Variants in HS3ST5 observed in about 807,000 individuals in gnomAD.
HS3ST5 encodes the protein heparan sulfate glucosamine 3-O-sulfotransferase 5.
HS3ST5 carries 10 observed loss-of-function variants against 25.4 expected under a neutral mutation model. That is an observed-to-expected ratio of 0.39 (90% confidence interval 0.24 to 0.67). The LOEUF (loss-of-function observed/expected upper bound fraction) is 0.67. Ranked by LOEUF, HS3ST5 falls within the 30% of genes least tolerant of loss-of-function variation. The pLI is 0.44. For synonymous variants in HS3ST5, 170 were observed against 162.4 expected (o/e 1.05, Z -0.36); for missense variants, 324 against 420.7 (o/e 0.77, Z 2.01).
chr6:114,316,221 T>C (rs1334592464), intron 1 of HS3ST5, among the ~76,000 whole-genome samples: 1 of 152,230 alleles, frequency 6.6e-6, no homozygotes, highest in Admixed American at 6.5e-5. Context: ...GTAGAAATTA[T>C]TTTTTGTATT....
chr6:114,209,576 A>G (rs972199609), intron 2 of HS3ST5, among the ~76,000 whole-genome samples: 1 of 152,200 alleles, frequency 6.6e-6, no homozygotes, highest in Admixed American at 6.5e-5. Flanking sequence ...TTATTTTAAT[A>G]AAAAGAAAGC....
At chr6:114,133,043 G>A (rs912257878) in intron 3 of HS3ST5, among the ~76,000 whole-genome samples, 2 of 152,012 alleles carry the variant, frequency 1.3e-5, no homozygotes, top group Non-Finnish European at 2.9e-5. Flanking sequence ...TGCTTGCTGT[G>A]AGAAGATCTC....
chr6:114,257,136 C>T (rs556394572), intron 1 of HS3ST5, among the ~76,000 whole-genome samples: 1 of 152,256 alleles, frequency 6.6e-6, no homozygotes, highest in East Asian at 1.9e-4. Flanking sequence ...CCTCCCACAA[C>T]ATGTGGGAAT....
At chr6:114,331,959 G>A (rs1776414978) in intron 1 of HS3ST5, among the ~76,000 whole-genome samples, 1 of 151,712 alleles carries the variant, frequency 6.6e-6, no homozygotes, top group South Asian at 2.1e-4. Context: ...GCTTTGTAGA[G>A]AAAAATGAAC....
intron 1 of HS3ST5, among the ~76,000 whole-genome samples, chr6:114,309,600 G>A (rs1041832515): frequency 4.6e-5 from 7 of 152,092 alleles, no homozygotes; most frequent in African/African-American, 7.2e-5. Context: ...GGGCTTGGTG[G>A]TGTGCATCTG....
intron 3 of HS3ST5, chr6:114,089,135 C>T (rs892636553): frequency 6.6e-6 from 1 of 152,164 alleles, no homozygotes; most frequent in Admixed American, 6.5e-5. Flanking sequence ...CTACATAGCC[C>T]CTGATTCTCA....
chr6:114,101,531 T>C (rs968273561), intron 3 of HS3ST5, among the ~76,000 whole-genome samples: 10 of 152,146 alleles, frequency 6.6e-5, no homozygotes, highest in Non-Finnish European at 1.3e-4. Context: ...AAAAATATTT[T>C]CAATAAAGAA....
chr6:114,313,886 G>C (rs987047169), intron 1 of HS3ST5, among the ~76,000 whole-genome samples: 7 of 151,910 alleles, frequency 4.6e-5, no homozygotes, highest in Non-Finnish European at 8.8e-5. Context: ...GGATCATCTG[G>C]AGTGCTTCTT....
chr6:114,318,271 C>A (rs1250142031), intron 1 of HS3ST5, among the ~76,000 whole-genome samples: 6 of 152,130 alleles, frequency 3.9e-5, no homozygotes, highest in Non-Finnish European at 8.8e-5. Flanking sequence ...ATTTTTTTAA[C>A]AAGTTCTTAA....
At chr6:114,287,408 G>A (rs1774385214) in intron 1 of HS3ST5, among the ~76,000 whole-genome samples, 1 of 151,884 alleles carries the variant, frequency 6.6e-6, no homozygotes, top group South Asian at 2.1e-4. Context: ...TTAAAACTGG[G>A]CTCTTTGAAC....
intron 1 of HS3ST5, among the ~76,000 whole-genome samples, chr6:114,276,447 C>A (rs1230291539): frequency 6.6e-6 from 1 of 151,654 alleles, no homozygotes; most frequent in African/African-American, 2.4e-5. Flanking sequence ...TATTCAGTAT[C>A]TTTGTAATCA....
At chr6:114,341,169 AGG>A (rs1776820159) in intron 1 of HS3ST5, among the ~76,000 whole-genome samples, 1 of 47,816 alleles carries the variant, frequency 2.1e-5, no homozygotes, top group Non-Finnish European at 3.9e-5. Flanking sequence ...GAGGGGAGGG[AGG>A]GAGGGAGAGG....
chr6:114,162,011 G>A (rs1189480890), intron 3 of HS3ST5, among the ~76,000 whole-genome samples: 5 of 151,940 alleles, frequency 3.3e-5, no homozygotes, highest in Admixed American at 6.6e-5. Context: ...TAGAATTTTG[G>A]AGGTAAATGA....
chr6:114,312,897 G>A lies in HS3ST5; in HGVS notation c.-339+29298C>T, dbSNP rs567828797. Among the ~76,000 whole-genome samples the A allele has an allele frequency of 3.5e-3, 532 of 151,606 alleles. 7 individuals carry two copies. Among genetic ancestry groups the A allele is most frequent in the Non-Finnish European group, 3.6e-3 (247 of 67,894 alleles). On this transcript the variant is annotated intron_variant, in intron 1 of 4. Coordinates refer to ENST00000312719, the MANE Select transcript of HS3ST5 (RefSeq NM_153612.4). ...ATACAAAAATCAGCCGAGCATGGTG[G>A]TACATGCCTATAGTTACTAGGGAGG... is the stretch of plus-strand genomic sequence containing the variant.
chr6:114,340,696 T>C (rs923545934), intron 1 of HS3ST5: 1 of 152,174 alleles, frequency 6.6e-6, no homozygotes, highest in Non-Finnish European at 1.5e-5. Flanking sequence ...CAAAAATCTA[T>C]TGCAACATAA....
chr6:114,073,936 C>G (rs1024109158), intron 3 of HS3ST5, among the ~76,000 whole-genome samples: 1 of 152,106 alleles, frequency 6.6e-6, no homozygotes, highest in Non-Finnish European at 1.5e-5. Context: ...GAAAAAGTGG[C>G]ACATATACAC....
At chr6:114,310,343 T>C (rs1420907728) in intron 1 of HS3ST5, among the ~76,000 whole-genome samples, 1 of 152,212 alleles carries the variant, frequency 6.6e-6, no homozygotes. Context: ...TTTGGGATTC[T>C]AGATTTTTTT....
chr6:114,304,790 A>G (rs945786), intron 1 of HS3ST5, among the ~76,000 whole-genome samples: 9,326 of 152,190 alleles, frequency 0.061, 878 homozygotes, highest in African/African-American at 0.2. Context: ...ATATGTTTGA[A>G]AAGTTCTAGT....
chr6:114,335,415 G>A (rs1367439308), intron 1 of HS3ST5, among the ~76,000 whole-genome samples: 1 of 151,924 alleles, frequency 6.6e-6, no homozygotes. Flanking sequence ...TATACACTGA[G>A]TTCTATAAGG....
Sources: allele counts gnomAD v4.1 joint callset (sites outside exome capture counted in the v4.1 genomes callset), GRCh38; gene constraint gnomAD v4.1.1; transcripts MANE v1.5; gene names NCBI Gene and HGNC (gene_info 2026-07-23, HGNC 2026-07-21).